IL1RAPL2: variants seen among roughly 807,000 people sequenced by gnomAD.
IL1RAPL2 encodes the protein X-linked interleukin-1 receptor accessory protein-like 2.
In IL1RAPL2, 3 loss-of-function variants were observed where a neutral mutation model predicts 44.1. That is an observed-to-expected ratio of 0.07 (90% CI 0.03 to 0.18). IL1RAPL2 has a LOEUF of 0.18. Ranked by LOEUF, IL1RAPL2 falls within the 10% of genes least tolerant of loss-of-function variation. The probability of loss-of-function intolerance (pLI) is 1.00; values close to 1 mark genes in which losing one functional copy is unlikely to be tolerated. For synonymous variants in IL1RAPL2, 181 were observed against 178.8 expected (o/e 1.01, Z -0.10); for missense variants, 391 against 496.4 (o/e 0.79, Z 2.02).
chrX:105,624,464 A>T (rs923785449), intron 6 of IL1RAPL2, among the ~76,000 whole-genome samples: 12 of 111,466 alleles, frequency 1.1e-4, no homozygotes, highest in African/African-American at 3.9e-4. Flanking sequence ...CTAACCTGTT[A>T]TCTACATCTA....
chrX:105,415,791 T>C (rs2035729092), intron 5 of IL1RAPL2, among the ~76,000 whole-genome samples: 1 of 111,517 alleles, frequency 9.0e-6, no homozygotes, highest in African/African-American at 3.3e-5. Context: ...AGGAATGTTA[T>C]AAAAGAACAA....
intron 2 of IL1RAPL2, among the ~76,000 whole-genome samples, chrX:105,108,272 C>CTA (rs1237557451): frequency 4.5e-5 from 5 of 111,718 alleles, no homozygotes; most frequent in Non-Finnish European, 9.4e-5. Flanking sequence ...CTGTACTTGA[C>CTA]TATACTCCTC....
chrX:105,762,873 A>ATTTT (rs58537168), intron 10 of IL1RAPL2, among the ~76,000 whole-genome samples: 78 of 106,333 alleles, frequency 7.3e-4, no homozygotes, highest in African/African-American at 2.5e-3. Flanking sequence ...GGATTTAGGG[A>ATTTT]TTTTTTTTTT....
Position 105,179,227 on chromosome X carries a change from C to G in IL1RAPL2, c.83-16248C>G, listed in dbSNP as rs776195203. 4.5e-5 allele frequency among the ~76,000 whole-genome samples: 5 copies of G among 112,210 alleles called. No individual in the cohort carries two copies. The Admixed American group carries it at 4.7e-4, about 11-fold the overall frequency. On this transcript the variant is annotated intron_variant, in intron 2 of 10. Coordinates refer to ENST00000372582, the MANE Select transcript of IL1RAPL2 (RefSeq NM_017416.2). ...GCATGTGGCTATCCAATTTTCCCAGCACCATTTATTGAAGAGGGTGTTCTT... is the reference window on the plus strand; with the variant it reads ...GCATGTGGCTATCCAATTTTCCCAGGACCATTTATTGAAGAGGGTGTTCTT...
chrX:105,168,682 GA>G (rs1308456359), intron 2 of IL1RAPL2, among the ~76,000 whole-genome samples: 2 of 106,968 alleles, frequency 1.9e-5, no homozygotes, highest in Non-Finnish European at 3.9e-5. Context: ...CTGAAGGCAG[GA>G]AAAAAAAAGA....
At chrX:104,747,291 C>T (rs1367521226) in intron 2 of IL1RAPL2, among the ~76,000 whole-genome samples, 1 of 111,456 alleles carries the variant, frequency 9.0e-6, no homozygotes, top group South Asian at 3.7e-4. Flanking sequence ...CTGTAACATT[C>T]TCTGTCTGTT....
chrX:105,345,559 G>GA (rs113721752), intron 5 of IL1RAPL2, among the ~76,000 whole-genome samples: 6,800 of 107,610 alleles, frequency 0.063, 491 homozygotes, highest in African/African-American at 0.22. Flanking sequence ...TATCTGGAAA[G>GA]TTTTTTTTTT....
chrX:105,518,921 A>G (rs934258724), intron 6 of IL1RAPL2, among the ~76,000 whole-genome samples: 1 of 111,029 alleles, frequency 9.0e-6, no homozygotes, highest in Non-Finnish European at 1.9e-5. Flanking sequence ...GCTACCACCC[A>G]AGCATCTATA....
At chrX:105,195,428 G>A (rs1556140232) in intron 2 of IL1RAPL2, 47 bp from the exon 3 acceptor site, 1 of 1,165,161 alleles carries the variant, frequency 8.6e-7, no homozygotes, top group Admixed American at 2.2e-5. Flanking sequence ...CACTATTAGT[G>A]TCAACAATGC....
At chrX:105,236,316 A>C (rs1226693747) in intron 4 of IL1RAPL2, among the ~76,000 whole-genome samples, 7 of 112,304 alleles carry the variant, frequency 6.2e-5, no homozygotes, top group African/African-American at 2.3e-4. Flanking sequence ...TGGACCAACA[A>C]TGGTGAAGCA....
At chrX:105,275,791 A>G (rs915567219) in intron 5 of IL1RAPL2, among the ~76,000 whole-genome samples, 1 of 111,193 alleles carries the variant, frequency 9.0e-6, no homozygotes, top group Non-Finnish European at 1.9e-5. Flanking sequence ...CCTAGGATAT[A>G]AGCTGGTGAA....
intron 1 of IL1RAPL2, among the ~76,000 whole-genome samples, chrX:104,618,287 G>A (rs1326589205): frequency 8.9e-6 from 1 of 112,294 alleles, no homozygotes; most frequent in Admixed American, 9.4e-5. Flanking sequence ...GCAATGGGTT[G>A]ACTCATGGAA....
Position 104,911,445 on chromosome X carries a change from C to A in IL1RAPL2, c.82+252450C>A, listed in dbSNP as rs761607600. Among the ~76,000 whole-genome samples the A allele has an allele frequency of 5.4e-5, 6 of 111,159 alleles. No homozygotes were observed. In the South Asian group the frequency reaches 2.3e-3, roughly 43 times the overall value. On this transcript the variant is annotated intron_variant, in intron 2 of 10. Transcript: ENST00000372582. ...CAAGCCCCAAGAGTCATCTTTCTTT[C>A]CTGTTTTCCTGCTTATACTCAATAT...
rs779307297 is a variant in IL1RAPL2 at position 105,256,300 on chromosome X, G to C, written c.544-11088G>C. On this transcript the variant is annotated intron_variant, in intron 4 of 10. Transcript: ENST00000372582. ...CTGGGCCTTTGTTTTTCTTTTTGGT[G>C]GATAGGCTATTTATTATTGACACAA... is the stretch of plus-strand genomic sequence containing the variant. Among the ~76,000 whole-genome samples, 10 of 109,234 alleles carry C rather than the reference G, an allele frequency of 9.2e-5. No individual in the cohort carries two copies. The South Asian group carries it at 4.0e-3, about 44-fold the overall frequency. 94.9% of individuals were successfully genotyped at this position (109,234 alleles called of 115,157 possible). A position where few individuals can be genotyped will look rare whatever the true frequency, so the allele number is the denominator to read the frequency against.
rs188250147 is a variant in IL1RAPL2 at position 104,647,874 on chromosome X, A to C, written c.-19-11021A>C. On this transcript the variant is annotated intron_variant, in intron 1 of 10. Transcript: ENST00000372582. ...CCTACCACAATGTCCTGTACTCCAC[A>C]GAATCGGTCAAAGATGACAGCTCTG... 92 of 625,619 alleles carry C rather than the reference A, an allele frequency of 1.5e-4. No homozygotes were observed. The Admixed American group carries it at 1.9e-3, about 13-fold the overall frequency. 51.6% of individuals were successfully genotyped at this position (625,619 alleles called of 1,213,427 possible).
intron 6 of IL1RAPL2, among the ~76,000 whole-genome samples, chrX:105,552,527 T>C (rs984518591): frequency 8.9e-6 from 1 of 111,901 alleles, no homozygotes; most frequent in African/African-American, 3.3e-5. Context: ...ATATGACTAA[T>C]TTTTGGCCAG....
chrX:105,367,370 C>T (rs1331281631), intron 5 of IL1RAPL2, among the ~76,000 whole-genome samples: 1 of 111,380 alleles, frequency 9.0e-6, no homozygotes, highest in Non-Finnish European at 1.9e-5. Context: ...ATTTACTTAC[C>T]TATTGGCATT....
intron 2 of IL1RAPL2, among the ~76,000 whole-genome samples, chrX:104,681,865 C>G (rs1255779702): frequency 1.8e-5 from 2 of 112,708 alleles, no homozygotes; most frequent in South Asian, 3.6e-4. Context: ...ACACATGTCC[C>G]TCCTGGGGAA....
intron 2 of IL1RAPL2, among the ~76,000 whole-genome samples, chrX:105,078,077 G>C (rs1188837051): frequency 8.9e-6 from 1 of 112,034 alleles, no homozygotes; most frequent in Non-Finnish European, 1.9e-5. Context: ...TGCTGGTGAG[G>C]AGCTGCGTTC....
Sources: gnomAD v4.1 joint callset for allele counts (sites outside exome capture counted in the v4.1 genomes callset) on GRCh38, gnomAD v4.1.1 for gene constraint, MANE v1.5 for transcripts, NCBI Gene and HGNC (gene_info 2026-07-23, HGNC 2026-07-21) for gene names.